MCF2L2: variants seen among roughly 807,000 people sequenced by gnomAD.
MCF2L2 encodes the protein probable guanine nucleotide exchange factor MCF2L2.
In MCF2L2, 102 loss-of-function variants were observed where a neutral mutation model predicts 150.2. The ratio of observed to expected loss-of-function variants is 0.68; its 90% confidence interval spans 0.58 to 0.80. The LOEUF is 0.80. Among genes scored for constraint, MCF2L2 ranks in the 30% least tolerant of loss-of-function variants. MCF2L2 has a pLI of 0.00. For synonymous variants in MCF2L2, 465 were observed against 491.3 expected (o/e 0.95, Z 0.71); for missense variants, 1,256 against 1,372.8 (o/e 0.91, Z 1.34).
At chr3:183,341,193 C>G (rs1015077772) in intron 4 of MCF2L2, among the ~76,000 whole-genome samples, 2 of 152,224 alleles carry the variant, frequency 1.3e-5, no homozygotes, top group East Asian at 3.8e-4. Context: ...AATTGCCCCA[C>G]TGCGGATCTG....
intron 3 of MCF2L2, among the ~76,000 whole-genome samples, chr3:183,346,732 T>C (rs1730913436): frequency 6.6e-6 from 1 of 152,142 alleles, no homozygotes. Flanking sequence ...ACAAAATCAA[T>C]GTGCAAAAAT....
rs765493334 is a variant in MCF2L2 at position 183,270,698 on chromosome 3, T to C, written c.1862+6174A>G. ...AAATAGGGATAGTACCGCAGGACCATGTGTTTTTTTCTGGAGAGGGTAAAA... is the reference window on the plus strand; with the variant it reads ...AAATAGGGATAGTACCGCAGGACCACGTGTTTTTTTCTGGAGAGGGTAAAA... On this transcript the variant is annotated intron_variant, in intron 15 of 29. Coordinates refer to ENST00000328913, the MANE Select transcript of MCF2L2 (RefSeq NM_015078.4). This position sits in a 1 kb window ranked among gnomAD's most constrained non-coding sequence, Gnocchi z 4.5. 4 of 1,613,880 alleles carry C rather than the reference T, an allele frequency of 2.5e-6. No individual in the cohort carries two copies. Among genetic ancestry groups the C allele is most frequent in the Admixed American group, 1.7e-5 (1 of 59,974 alleles).
In MCF2L2 at chr3:183,323,218, C is replaced by A. The variant is rs541411252; in HGVS notation, c.603+17G>T. 1.3e-6 allele frequency: 2 copies of A among 1,552,470 alleles called. No individual in the cohort carries two copies. Among genetic ancestry groups the A allele is most frequent in the East Asian group, 2.3e-5 (1 of 44,244 alleles). ...ACAAGGAGAGACAGTGAAAAGCACA[C>A]GTAAGCTGGTACTCACAGTGCGGTG... On this transcript the variant is annotated intron_variant, in intron 6 of 29. Transcript: ENST00000328913.
chr3:183,351,216 A>G (rs1190945228), intron 3 of MCF2L2, among the ~76,000 whole-genome samples: 31 of 85,400 alleles, frequency 3.6e-4, no homozygotes, highest in Non-Finnish European at 4.8e-4. Context: ...ATATATATAT[A>G]TATATATATA....
At chr3:183,264,460 T>G (rs992763247) in intron 15 of MCF2L2, among the ~76,000 whole-genome samples, 1 of 152,230 alleles carries the variant, frequency 6.6e-6, no homozygotes, top group African/African-American at 2.4e-5. Flanking sequence ...ACTACGAGTC[T>G]TGTCACAAAT....
intron 27 of MCF2L2, among the ~76,000 whole-genome samples, chr3:183,185,501 A>C (rs1721662907): frequency 6.6e-6 from 1 of 152,258 alleles, no homozygotes. Flanking sequence ...ACTTAAGCAC[A>C]GACAGGCTAT....
At chr3:183,401,094 A>G (rs1379936550) in intron 1 of MCF2L2, among the ~76,000 whole-genome samples, 1 of 152,134 alleles carries the variant, frequency 6.6e-6, no homozygotes, top group Non-Finnish European at 1.5e-5. Context: ...TTCTCAAACA[A>G]GGATATTCTT....
intron 27 of MCF2L2, among the ~76,000 whole-genome samples, chr3:183,183,595 T>G (rs981933575): frequency 5.9e-5 from 9 of 152,210 alleles, no homozygotes; most frequent in African/African-American, 2.2e-4. Flanking sequence ...TCACTTAACC[T>G]CTTGAGCATC....
chr3:183,207,736 A>G lies in MCF2L2; in HGVS notation c.2584T>C (p.Leu862=). ...IHKDRYKMKD[L]IRFKPSQRQI... Reference sequence around the variant, plus strand: ...CTCTGGCTGGGTTTAAATCGAATCAAATCCTTCATTTTATAACGATCCTTG... The same window carrying G: ...CTCTGGCTGGGTTTAAATCGAATCAGATCCTTCATTTTATAACGATCCTTG... The change falls in exon 23 of 30, where the codon TTG becomes CTG. Residue 862 remains leucine (L), a synonymous_variant. Transcript: ENST00000328913. 6.2e-7 allele frequency: 1 copy of G among 1,614,226 alleles called. No homozygotes were observed. The highest frequency in any genetic ancestry group is 8.5e-7 in the Non-Finnish European group (1 of 1,180,030).
intron 15 of MCF2L2, among the ~76,000 whole-genome samples, chr3:183,239,088 G>A (rs1297641601): frequency 6.6e-6 from 1 of 151,794 alleles, no homozygotes; most frequent in East Asian, 1.9e-4. Flanking sequence ...AAAACACTGG[G>A]AGTATTCAAG....
intron 1 of MCF2L2, among the ~76,000 whole-genome samples, chr3:183,395,276 A>C (rs1714373325): frequency 6.6e-6 from 1 of 152,236 alleles, no homozygotes; most frequent in Admixed American, 6.5e-5. Flanking sequence ...ACATTCACCG[A>C]AAAAGATTTA....
At chr3:183,341,780 C>T (rs1296085912) in intron 3 of MCF2L2, 150 bp from the exon 4 acceptor site, 1 of 601,452 alleles carries the variant, frequency 1.7e-6, no homozygotes, top group African/African-American at 1.8e-5. Flanking sequence ...CTCTCCCAGT[C>T]TAAGCCTGGT....
At chr3:183,379,454 C>T (rs754430853) in intron 2 of MCF2L2, 43 bp from the exon 3 acceptor site, 1 of 1,353,982 alleles carries the variant, frequency 7.4e-7, no homozygotes, top group East Asian at 2.4e-5. Context: ...AAAATGTTGT[C>T]CTGTCACACC....
At position 183,235,634 on chromosome 3, in the gene MCF2L2, C is replaced by T. The variant is rs1364448883; in HGVS notation, c.1863-4617G>A. On this transcript the variant is annotated intron_variant, in intron 15 of 29. Coordinates refer to ENST00000328913, the MANE Select transcript of MCF2L2 (RefSeq NM_015078.4). ...GATGAGTAGGTTGCGAAAATTTTCT[C>T]CCATGTTGTAAGTTGCCTGTTCACT... Among the ~76,000 whole-genome samples, 4 of 106,380 alleles carry T rather than the reference C, an allele frequency of 3.8e-5. 1 individual carries two copies. Among genetic ancestry groups the T allele is most frequent in the Non-Finnish European group, 7.0e-5 (4 of 57,338 alleles). 69.8% of individuals were successfully genotyped at this position (106,380 alleles called of 152,430 possible).
chr3:183,200,153 G>A (rs1429988575), intron 25 of MCF2L2, among the ~76,000 whole-genome samples: 2 of 152,186 alleles, frequency 1.3e-5, no homozygotes, highest in Admixed American at 6.5e-5. Flanking sequence ...TAATGGGATG[G>A]CTGGGTCAAA....
At chr3:183,352,716 G>A (rs1049383554) in intron 3 of MCF2L2, among the ~76,000 whole-genome samples, 1 of 152,114 alleles carries the variant, frequency 6.6e-6, no homozygotes, top group Non-Finnish European at 1.5e-5. Context: ...CAATGGCAGG[G>A]TATACCCCTC....
chr3:183,185,893 T>A (rs1721674449), intron 27 of MCF2L2, among the ~76,000 whole-genome samples: 1 of 152,218 alleles, frequency 6.6e-6, no homozygotes, highest in Non-Finnish European at 1.5e-5. Flanking sequence ...CATGTTGACA[T>A]TCTCAGGGCA....
At chr3:183,335,363 AATAC>A (rs112644327) in intron 5 of MCF2L2, among the ~76,000 whole-genome samples, 39,228 of 151,836 alleles carry the variant, frequency 0.26, 7,265 homozygotes, top group African/African-American at 0.52. Flanking sequence ...AATACATATA[AATAC>A]ATAAACATAG....
chr3:183,419,369 T>C (rs894909400), intron 1 of MCF2L2, among the ~76,000 whole-genome samples: 4 of 152,200 alleles, frequency 2.6e-5, no homozygotes, highest in African/African-American at 7.2e-5. Flanking sequence ...ATCTTGGCTA[T>C]TAACATTCAG....
Sources: allele counts gnomAD v4.1 joint callset (sites outside exome capture counted in the v4.1 genomes callset), GRCh38; gene constraint gnomAD v4.1.1; non-coding constraint Gnocchi (gnomAD v3.1); transcripts MANE v1.5; gene names NCBI Gene and HGNC (gene_info 2026-07-23, HGNC 2026-07-21).